Variants in APOL5 observed in about 807,000 individuals in gnomAD.
APOL5 encodes the protein apolipoprotein L, 5.
Under a neutral mutation model 35.5 loss-of-function variants are expected in APOL5, and 29 were observed. The ratio of observed to expected loss-of-function variants is 0.82; its 90% CI spans 0.61 to 1.11. The LOEUF is 1.11. APOL5 is among the 50% of genes most tolerant of loss of function. The pLI, the probability that APOL5 is intolerant of heterozygous loss-of-function variation, is 0.00. For missense variants in APOL5, 514 were observed against 530.4 expected (o/e 0.97, Z 0.30); for synonymous variants, 188 against 200.2 (o/e 0.94, Z 0.51).
At chr22:35,724,329 G>A (rs1373068062) in intron 2 of APOL5, among the ~76,000 whole-genome samples, 6 of 146,972 alleles carry the variant, frequency 4.1e-5, no homozygotes, top group African/African-American at 1.2e-4. Context: ...CCTGTTTCCC[G>A]ATGTCCCAGG....
In APOL5 at chr22:35,726,253, T is replaced by G; in HGVS notation, c.185T>G (p.Leu62Trp). The G allele has an allele frequency of 6.2e-7, 1 of 1,612,192 alleles. No homozygotes were observed. The highest frequency in any genetic ancestry group is 8.5e-7 in the Non-Finnish European group (1 of 1,178,286). ...NLCQSWKINN[L>W]MSTVHSDEAG... ...TGCCAGAGTTGGAAAATTAACAATT[T>G]GATGTCAACTGTCCACAGTGATGAG... is the stretch of plus-strand genomic sequence containing the variant. The change falls in exon 3 of 5, where the codon TTG becomes TGG. Residue 62 changes from leucine (L) to tryptophan (W), a missense_variant. By Grantham distance (61) the Leu-to-Trp change is moderately conservative. This residue lies in a region of APOL5 where 254 missense variants were observed against 254.7 expected (regional missense o/e 1.00). Coordinates refer to ENST00000249044, the MANE Select transcript of APOL5 (RefSeq NM_030642.1).
intron 2 of APOL5, among the ~76,000 whole-genome samples, 155 bp downstream of exon 2, chr22:35,720,809 G>C (rs921081646): frequency 6.6e-6 from 1 of 152,156 alleles, no homozygotes; most frequent in African/African-American, 2.4e-5. Flanking sequence ...GCAGTGGCAC[G>C]ATCTCGGCTC....
intron 2 of APOL5, among the ~76,000 whole-genome samples, chr22:35,723,732 G>C (rs8140970): frequency 0.26 from 40,029 of 152,176 alleles, 5,760 homozygotes; most frequent in Non-Finnish European, 0.33. Context: ...AGGCCGAGGG[G>C]AGGTGAATCA....
At chr22:35,724,900 C>T (rs991121521) in intron 2 of APOL5, among the ~76,000 whole-genome samples, 5 of 152,174 alleles carry the variant, frequency 3.3e-5, no homozygotes, top group Non-Finnish European at 4.4e-5. Flanking sequence ...CGTGAGCCAC[C>T]GTGCCCGGCC....
At chr22:35,717,825 A>G (rs752055355), upstream of APOL5, 3 of 1,402,760 alleles carry the variant, frequency 2.1e-6, no homozygotes, top group South Asian at 3.1e-5. Context: ...GAAGGGAGTC[A>G]TATTTATTAA....
chr22:35,726,916 C>T lies in APOL5; in HGVS notation c.848C>T (p.Thr283Ile), dbSNP rs1046579942. Reference sequence around the variant, plus strand: ...GGGGTGCAGAGAGCCTTTGAGGGCACAACTCTGGCCATGACCAATGGTGCC... The same window carrying T: ...GGGGTGCAGAGAGCCTTTGAGGGCATAACTCTGGCCATGACCAATGGTGCC... ...ARGVQRAFEG[T>I]TLAMTNGAWV... Residue 283 changes from threonine (T) to isoleucine (I), a missense_variant, in exon 3 of 5, where the codon ACA becomes ATA. Coordinates refer to ENST00000249044, the MANE Select transcript of APOL5 (RefSeq NM_030642.1). 3.7e-6 allele frequency: 6 copies of T among 1,614,220 alleles called. No individual in the cohort carries two copies. The highest frequency in any genetic ancestry group is 5.1e-6 in the Non-Finnish European group (6 of 1,180,034).
intron 1 of APOL5, among the ~76,000 whole-genome samples, 158 bp from the exon 2 acceptor site, chr22:35,720,408 CAT>C (rs1164657693): frequency 6.6e-6 from 1 of 152,168 alleles, no homozygotes; most frequent in Non-Finnish European, 1.5e-5. Flanking sequence ...AGACAAAAAT[CAT>C]GTGACATTTC....
chr22:35,711,930 C>T, the APOL5 span, among the ~76,000 whole-genome samples: 1 of 152,120 alleles, frequency 6.6e-6, no homozygotes, highest in Non-Finnish European at 1.5e-5. Flanking sequence ...CTGCCTCAAC[C>T]TCCTAAAGTG....
intron 2 of APOL5, among the ~76,000 whole-genome samples, chr22:35,722,446 G>T (rs1020420091): frequency 6.6e-6 from 1 of 152,120 alleles, no homozygotes; most frequent in Admixed American, 6.6e-5. Flanking sequence ...GGGACTACAG[G>T]TGCCCGCCAC....
chr22:35,719,036 G>T (rs1316815758), intron 1 of APOL5, among the ~76,000 whole-genome samples: 1 of 144,978 alleles, frequency 6.9e-6, no homozygotes, highest in African/African-American at 2.6e-5. Context: ...TCCAGCCTGG[G>T]TGACAGTGAG....
chr22:35,723,103 C>T (rs1445180410), intron 2 of APOL5, among the ~76,000 whole-genome samples: 1 of 152,194 alleles, frequency 6.6e-6, no homozygotes, highest in Non-Finnish European at 1.5e-5. Flanking sequence ...CCACTTGAGG[C>T]TGCTGATGGC....
At chr22:35,709,685 T>A in the APOL5 span, among the ~76,000 whole-genome samples, 4 of 152,228 alleles carry the variant, frequency 2.6e-5, no homozygotes, top group African/African-American at 9.6e-5. Context: ...AAGGAGCATA[T>A]GTTGGCATTA....
At chr22:35,728,515 G>A (rs996579828) in intron 3 of APOL5, among the ~76,000 whole-genome samples, 8 of 152,196 alleles carry the variant, frequency 5.3e-5, no homozygotes, top group African/African-American at 1.4e-4. Context: ...GAGCAACCGC[G>A]CCCGGCCGAC....
the APOL5 span, among the ~76,000 whole-genome samples, chr22:35,708,778 G>A: frequency 5.3e-5 from 8 of 152,232 alleles, no homozygotes; most frequent in African/African-American, 2.4e-5. Context: ...ACAGTGGCCC[G>A]AACCATTGGA....
At chr22:35,716,614 TAATATAGATGAG>T (rs1184776634), upstream of APOL5, among the ~76,000 whole-genome samples, 1 of 152,208 alleles carries the variant, frequency 6.6e-6, no homozygotes, top group Non-Finnish European at 1.5e-5. Flanking sequence ...CAAAGCTCAA[TAATATAGATGAG>T]TGAAAAGTGC....
intron 1 of APOL5, 102 bp downstream of exon 1, chr22:35,718,028 T>G: frequency 1.1e-6 from 1 of 880,258 alleles, no homozygotes; most frequent in East Asian, 3.1e-5. Context: ...ACCCACCATA[T>G]GCTATTGCTG....
chr22:35,714,543 C>T (rs953484029), upstream of APOL5, among the ~76,000 whole-genome samples: 1 of 152,146 alleles, frequency 6.6e-6, no homozygotes, highest in African/African-American at 2.4e-5. Flanking sequence ...GACAATGCCT[C>T]GTTTTACCCT....
upstream of APOL5, among the ~76,000 whole-genome samples, chr22:35,715,375 G>A (rs114478188): frequency 9.7e-3 from 1,471 of 152,274 alleles, 29 homozygotes; most frequent in African/African-American, 0.034. Context: ...TGGGCGTAGT[G>A]GCTCAGGACT....
intron 2 of APOL5, 59 bp from the exon 3 acceptor site, chr22:35,726,152 T>A: frequency 6.4e-7 from 1 of 1,553,018 alleles, no homozygotes; most frequent in South Asian, 1.2e-5. Context: ...TGTACCTCGA[T>A]TCTCAGGGCT....
Sources: gnomAD v4.1 joint callset for allele counts (sites outside exome capture counted in the v4.1 genomes callset) on GRCh38, gnomAD v4.1.1 for gene constraint, gnomAD v4.1.1 regional missense constraint, MANE v1.5 for transcripts, NCBI Gene and HGNC (gene_info 2026-07-23, HGNC 2026-07-21) for gene names.